ADGRL3: variants seen among roughly 807,000 people sequenced by gnomAD.
The protein encoded by ADGRL3 is calcium-independent alpha-latrotoxin receptor 3.
Under a neutral mutation model 153.5 loss-of-function variants are expected in ADGRL3, and 62 were observed. The observed-to-expected ratio is 0.40, with a 90% CI of 0.33 to 0.50. The LOEUF is 0.50. Among genes scored for constraint, ADGRL3 ranks in the 20% least tolerant of loss-of-function variants. The probability of loss-of-function intolerance (pLI) is 0.47; values close to 1 mark genes in which losing one functional copy is unlikely to be tolerated. For synonymous variants in ADGRL3, 710 were observed against 672.5 expected (o/e 1.06, Z -0.86); for missense variants, 1,641 against 1,859.4 (o/e 0.88, Z 2.16).
At chr4:61,552,537 C>T (rs1387768562) in intron 4 of ADGRL3, among the ~76,000 whole-genome samples, 1 of 152,126 alleles carries the variant, frequency 6.6e-6, no homozygotes, top group Non-Finnish European at 1.5e-5. Flanking sequence ...AATGACGGCT[C>T]ACTGCAGCCT....
At chr4:61,298,763 T>C (rs1002275098) in intron 1 of ADGRL3, among the ~76,000 whole-genome samples, 2 of 152,204 alleles carry the variant, frequency 1.3e-5, no homozygotes, top group Non-Finnish European at 2.9e-5. Context: ...TTGTACGTTT[T>C]GACAGGTAGG....
At chr4:61,706,194 G>A (rs2151389384) in intron 6 of ADGRL3, among the ~76,000 whole-genome samples, 1 of 152,018 alleles carries the variant, frequency 6.6e-6, no homozygotes. Context: ...GGTCAAGGTG[G>A]GTGGATCACA....
At chr4:61,496,778 A>T (rs1178988322) in intron 2 of ADGRL3, among the ~76,000 whole-genome samples, 1 of 151,602 alleles carries the variant, frequency 6.6e-6, no homozygotes, top group East Asian at 2.0e-4. Flanking sequence ...CATCTCTACT[A>T]AAAATACAAA....
chr4:61,718,588 A>G (rs2096174326), intron 6 of ADGRL3, among the ~76,000 whole-genome samples: 1 of 152,216 alleles, frequency 6.6e-6, no homozygotes, highest in African/African-American at 2.4e-5. Flanking sequence ...TACAGTGAAT[A>G]TAAACATAAA....
Position 61,749,539 on chromosome 4 carries a change from A to T in ADGRL3, c.1399+15985A>T, listed in dbSNP as rs529893424. ...GAATACTATGCAACCATAAAAAATG[A>T]TGAGTTCATGTCCTTTGTAGGGACA... is the stretch of plus-strand genomic sequence containing the variant. On this transcript the variant is annotated intron_variant, in intron 8 of 26. Coordinates refer to ENST00000683033, the MANE Select transcript of ADGRL3 (RefSeq NM_001387552.1). Among the ~76,000 whole-genome samples the T allele has an allele frequency of 1.2e-3, 177 of 152,332 alleles. 3 individuals carry two copies. Among genetic ancestry groups the T allele is most frequent in the African/African-American group, 3.9e-3 (164 of 41,562 alleles).
chr4:61,780,030 C>A (rs1300328821), intron 8 of ADGRL3, among the ~76,000 whole-genome samples: 1 of 152,116 alleles, frequency 6.6e-6, no homozygotes, highest in African/African-American at 2.4e-5. Flanking sequence ...TCCCTGTTCT[C>A]GACTTCCTAA....
chr4:61,552,054 C>T (rs1233177923), intron 4 of ADGRL3, among the ~76,000 whole-genome samples: 2 of 152,004 alleles, frequency 1.3e-5, no homozygotes, highest in African/African-American at 4.8e-5. Flanking sequence ...ATAACAATAC[C>T]AATTTAGGGG....
chr4:61,661,229 A>G (rs1382952593), intron 5 of ADGRL3, among the ~76,000 whole-genome samples: 1 of 152,108 alleles, frequency 6.6e-6, no homozygotes, highest in East Asian at 1.9e-4. Flanking sequence ...CATTTTAAGC[A>G]TTGTCAATAT....
intron 1 of ADGRL3, among the ~76,000 whole-genome samples, chr4:61,352,636 C>T (rs758159160): frequency 4.6e-5 from 7 of 152,122 alleles, no homozygotes; most frequent in East Asian, 3.9e-4. Flanking sequence ...CCACCCGCCT[C>T]GGCCTCCCAA....
At chr4:61,406,167 T>C (rs1371758520) in intron 2 of ADGRL3, among the ~76,000 whole-genome samples, 1 of 151,668 alleles carries the variant, frequency 6.6e-6, no homozygotes, top group Non-Finnish European at 1.5e-5. Context: ...TTCTTAAAGA[T>C]AGATGAGAAA....
intron 1 of ADGRL3, among the ~76,000 whole-genome samples, chr4:61,310,900 G>A (rs2094975851): frequency 6.6e-6 from 1 of 152,000 alleles, no homozygotes; most frequent in South Asian, 2.1e-4. Flanking sequence ...GTTAGAAAGA[G>A]TGGAATGGAT....
intron 5 of ADGRL3, among the ~76,000 whole-genome samples, chr4:61,648,556 T>A (rs1399994435): frequency 6.6e-6 from 1 of 151,804 alleles, no homozygotes; most frequent in South Asian, 2.1e-4. Flanking sequence ...GGGTTTTTTT[T>A]AGATTTTAAT....
chr4:61,432,616 T>TTC (rs2097375679), intron 2 of ADGRL3, among the ~76,000 whole-genome samples: 1 of 77,952 alleles, frequency 1.3e-5, no homozygotes, highest in African/African-American at 4.8e-5. Flanking sequence ...CTTTCTTTCT[T>TTC]TCTTTCTTTC....
At chr4:61,426,532 C>T (rs2097283949) in intron 2 of ADGRL3, among the ~76,000 whole-genome samples, 1 of 151,582 alleles carries the variant, frequency 6.6e-6, no homozygotes, top group African/African-American at 2.4e-5. Context: ...TCTATGTATG[C>T]AGCCTTGCCT....
chr4:61,697,431 G>T (rs985098655), intron 6 of ADGRL3, among the ~76,000 whole-genome samples: 2 of 151,822 alleles, frequency 1.3e-5, no homozygotes, highest in African/African-American at 2.4e-5. Context: ...ATGGTGGCAG[G>T]TGCCTGTAAT....
intron 5 of ADGRL3, among the ~76,000 whole-genome samples, chr4:61,634,497 T>A (rs1473020004): frequency 6.6e-6 from 1 of 152,182 alleles, no homozygotes; most frequent in Non-Finnish European, 1.5e-5. Context: ...AGATATTTAA[T>A]GCAGTGTGTC....
At chr4:61,718,027 AAAAT>A (rs1173573669) in intron 6 of ADGRL3, among the ~76,000 whole-genome samples, 1 of 152,070 alleles carries the variant, frequency 6.6e-6, no homozygotes, top group African/African-American at 2.4e-5. Context: ...GAGTTGTCTC[AAAAT>A]AAATAAATAA....
At chr4:61,985,474 A>G (rs1191952476) in intron 19 of ADGRL3, among the ~76,000 whole-genome samples, 2 of 152,130 alleles carry the variant, frequency 1.3e-5, no homozygotes, top group Non-Finnish European at 2.9e-5. Flanking sequence ...TTAGACATTA[A>G]TAAAAAGATT....
intron 8 of ADGRL3, among the ~76,000 whole-genome samples, chr4:61,751,856 T>C (rs1261091476): frequency 6.6e-6 from 1 of 152,064 alleles, no homozygotes; most frequent in Admixed American, 6.6e-5. Context: ...TGGTGAAAAG[T>C]AGAATGAAGA....
Sources: gnomAD v4.1 joint callset for allele counts (sites outside exome capture counted in the v4.1 genomes callset) on GRCh38, gnomAD v4.1.1 for gene constraint, MANE v1.5 for transcripts, NCBI Gene and HGNC (gene_info 2026-07-23, HGNC 2026-07-21) for gene names.